CDH3: variants seen among roughly 807,000 people sequenced by gnomAD.
The protein encoded by CDH3 is cadherin 3.
CDH3 carries 54 observed loss-of-function variants against 82.0 expected under a neutral mutation model. The observed-to-expected ratio is 0.66, with a 90% confidence interval of 0.53 to 0.83. CDH3 has a LOEUF of 0.83. Among genes scored for constraint, CDH3 ranks in the 40% least tolerant of loss-of-function variants. CDH3 has a pLI of 0.00. For missense variants in CDH3, 1,054 were observed against 1,084.6 expected, an observed-to-expected ratio of 0.97 and a Z score of 0.40; for synonymous variants, 446 against 437.9, an observed-to-expected ratio of 1.02 and a Z score of -0.23.
chr16:68,652,427 ACAAG>A (rs1960275790), intron 2 of CDH3, among the ~76,000 whole-genome samples: 1 of 152,110 alleles, frequency 6.6e-6, no homozygotes, highest in African/African-American at 2.4e-5. Context: ...ATTGCTTATG[ACAAG>A]CAAAGAGTTT....
At chr16:68,646,512 T>TCCCCCCCCCCCCCCCCCC (rs1960074201) in intron 2 of CDH3, among the ~76,000 whole-genome samples, 1 of 126,472 alleles carries the variant, frequency 7.9e-6, no homozygotes, top group Non-Finnish European at 1.7e-5. Context: ...ACCCCCCCCC[T>TCCCCCCCCCCCCCCCCCC]CCCCGCCCCA....
At chr16:68,658,035 T>TCCC (rs990154589) in intron 2 of CDH3, among the ~76,000 whole-genome samples, 1 of 151,558 alleles carries the variant, frequency 6.6e-6, no homozygotes, top group African/African-American at 2.4e-5. Flanking sequence ...CCACAGGTAT[T>TCCC]CCCCATATCT....
intron 1 of CDH3, among the ~76,000 whole-genome samples, chr16:68,715,553 C>G (rs1428203873): frequency 6.6e-6 from 1 of 152,172 alleles, no homozygotes; most frequent in Admixed American, 6.5e-5. Context: ...CTCATCTTCT[C>G]CCAGAGACAT....
downstream of CDH3, among the ~76,000 whole-genome samples, chr16:68,704,633 G>A (rs1280723678): frequency 2.6e-5 from 4 of 152,274 alleles, no homozygotes; most frequent in African/African-American, 7.2e-5. Context: ...GCTGCCACAT[G>A]CCACACAGGG....
chr16:68,646,050 C>T (rs903888802), intron 2 of CDH3: 3 of 450,258 alleles, frequency 6.7e-6, no homozygotes, highest in Non-Finnish European at 1.2e-5. Flanking sequence ...AGTTCTCCCC[C>T]GCTGGCCCCA....
At chr16:68,669,420 G>A (rs188052927) in intron 2 of CDH3, among the ~76,000 whole-genome samples, 8 of 152,216 alleles carry the variant, frequency 5.3e-5, no homozygotes, top group African/African-American at 1.7e-4. Context: ...ATACATGACC[G>A]TTGGCTTCCC....
chr16:68,667,318 T>G (rs978718567), intron 2 of CDH3, among the ~76,000 whole-genome samples: 1 of 152,162 alleles, frequency 6.6e-6, no homozygotes, highest in African/African-American at 2.4e-5. Context: ...AGAATAGAAA[T>G]TTCCTAGGCA....
At chr16:68,714,630 C>T (rs560797802) in intron 1 of CDH3, among the ~76,000 whole-genome samples, 4 of 152,296 alleles carry the variant, frequency 2.6e-5, no homozygotes, top group Admixed American at 6.5e-5. Flanking sequence ...ACTGTGATCT[C>T]GCCCACCGAA....
At chr16:68,704,924 G>A (rs1430624826), downstream of CDH3, among the ~76,000 whole-genome samples, 1 of 152,134 alleles carries the variant, frequency 6.6e-6, no homozygotes, top group African/African-American at 2.4e-5. Flanking sequence ...TCATCTGAGT[G>A]TGGTGACACA....
chr16:68,678,785 G>C lies in CDH3; in HGVS notation c.570G>C (p.Glu190Asp). The change falls in exon 6 of 16, where the codon GAG becomes GAC. Residue 190 changes from glutamate to aspartate, a missense_variant. Transcript: ENST00000264012. Reference protein sequence around the residue: ...KYELFGHAVSENGASVEDPMN... With the variant: ...KYELFGHAVSDNGASVEDPMN... ...AGCTCTTTGGCCACGCTGTGTCAGA[G>C]AATGGTGCCTCAGTGGAGGACCCCA... The C allele has an allele frequency of 6.2e-7, 1 of 1,614,182 alleles. No individual in the cohort carries two copies. Among genetic ancestry groups the C allele is most frequent in the Non-Finnish European group, 8.5e-7 (1 of 1,180,034 alleles).
intron 2 of CDH3, among the ~76,000 whole-genome samples, chr16:68,670,067 AC>A (rs1228278905): frequency 3.3e-5 from 5 of 152,024 alleles, no homozygotes; most frequent in African/African-American, 7.3e-5. Context: ...TACTAAAAAT[AC>A]AAAAAATTAG....
chr16:68,723,459 A>G (rs1209225923), intron 2 of CDH3, among the ~76,000 whole-genome samples: 2 of 152,224 alleles, frequency 1.3e-5, no homozygotes, highest in African/African-American at 4.8e-5. Flanking sequence ...CCAGTTTTCA[A>G]TCTCAAGAAG....
chr16:68,731,672 AC>A (rs1182796471), downstream of CDH3, among the ~76,000 whole-genome samples: 3 of 150,858 alleles, frequency 2.0e-5, no homozygotes, highest in African/African-American at 7.3e-5. Flanking sequence ...CCCCGTCTCT[AC>A]AAAAAATACA....
intron 2 of CDH3, among the ~76,000 whole-genome samples, chr16:68,648,450 C>CT (rs112124775): frequency 0.2 from 28,042 of 143,372 alleles, 2,757 homozygotes; most frequent in East Asian, 0.25. Flanking sequence ...AGTTCCCTGG[C>CT]TTTTTTTTTT....
At chr16:68,713,570 C>G (rs1962058065) in intron 1 of CDH3, among the ~76,000 whole-genome samples, 1 of 152,094 alleles carries the variant, frequency 6.6e-6, no homozygotes, top group African/African-American at 2.4e-5. Flanking sequence ...CCCTGCTTCC[C>G]AAGGACTCCT....
In CDH3 at chr16:68,678,222, C is replaced by T. The variant is rs1567447671; in HGVS notation, c.335C>T (p.Ala112Val). The T allele has an allele frequency of 2.5e-6, 4 of 1,613,790 alleles. No homozygotes were observed. The highest frequency in any genetic ancestry group is 3.4e-6 in the Non-Finnish European group (4 of 1,179,690). The change falls in exon 4 of 16, where the codon GCT (alanine) becomes GTT (valine). Residue 112 changes from alanine to valine, a missense_variant. By Grantham distance (64) the Ala-to-Val change is moderately conservative. Coordinates refer to ENST00000264012, the MANE Select transcript of CDH3 (RefSeq NM_001793.6). ...AGACACAAGAGAGATTGGGTGGTTG[C>T]TCCAATATCTGTCCCTGAAAATGGC... ...LRRHKRDWVV[A>V]PISVPENGKG...
chr16:68,691,899 G>T lies in CDH3; in HGVS notation c.1975G>T (p.Val659Leu), dbSNP rs1476823923. The change falls in exon 13 of 16, where the codon GTG becomes TTG. Residue 659 changes from valine to leucine, a missense_variant. By Grantham distance (32) the Val-to-Leu change is conservative. Transcript: ENST00000264012. ...GPWKGGFILPVLGAVLALLFL... is the reference protein window; with the variant it reads ...GPWKGGFILPLLGAVLALLFL... ...CTGGAAGGGAGGTTTCATCCTCCCTGTGCTGGGGGCTGTCCTGGCTCTGCT... is the reference window on the plus strand; with the variant it reads ...CTGGAAGGGAGGTTTCATCCTCCCTTTGCTGGGGGCTGTCCTGGCTCTGCT... 6.2e-7 allele frequency: 1 copy of T among 1,613,556 alleles called. No homozygotes were observed. The highest frequency in any genetic ancestry group is 8.5e-7 in the Non-Finnish European group (1 of 1,179,978).
At position 68,696,459 on chromosome 16, in the gene CDH3, C is replaced by A. The variant is rs1961724064; in HGVS notation, c.2280+536C>A. On this transcript the variant is annotated intron_variant, in intron 15 of 15. Transcript: ENST00000264012. ...ATGATTAGGAGGCTGGGCACAGTGC[C>A]TCACGCCTGTAATCTCAGAACTTTC... 15 of 217,178 alleles carry A rather than the reference C, an allele frequency of 6.9e-5. No individual in the cohort carries two copies. In the South Asian group the frequency reaches 1.1e-3, roughly 16 times the overall value. The allele number at this position is 217,178 out of a possible 1,614,324, so 13.5% of individuals were successfully genotyped here.
At chr16:68,717,634 G>A (rs968059968) in intron 1 of CDH3, among the ~76,000 whole-genome samples, 11 of 152,182 alleles carry the variant, frequency 7.2e-5, no homozygotes, top group Admixed American at 2.0e-4. Context: ...TTAGCCGGGC[G>A]TGGTGGCAGG....
Sources: allele counts gnomAD v4.1 joint callset (sites outside exome capture counted in the v4.1 genomes callset), GRCh38; gene constraint gnomAD v4.1.1; transcripts MANE v1.5; gene names NCBI Gene and HGNC (gene_info 2026-07-23, HGNC 2026-07-21).